Variants in TBC1D5 observed in about 807,000 individuals in gnomAD.
The protein encoded by TBC1D5 is TBC1 domain family, member 5.
Under a neutral mutation model 100.3 loss-of-function variants are expected in TBC1D5, and 75 were observed. That is an observed-to-expected ratio of 0.75 (90% CI 0.62 to 0.91). The LOEUF is 0.91. Ranked by LOEUF, TBC1D5 falls within the 40% of genes least tolerant of loss-of-function variation. The pLI, the probability that TBC1D5 is intolerant of heterozygous loss-of-function variation, is 0.00. For missense variants in TBC1D5, 910 were observed against 942.4 expected (o/e 0.97, Z 0.45); for synonymous variants, 323 against 325.6 (o/e 0.99, Z 0.09).
intron 15 of TBC1D5, among the ~76,000 whole-genome samples, chr3:17,267,590 TGTTAGAACA>T (rs2149594799): frequency 6.6e-6 from 1 of 152,300 alleles, no homozygotes; most frequent in Non-Finnish European, 1.5e-5. Flanking sequence ...TTTTTAGAAA[TGTTAGAACA>T]GTTTAATCAA....
intron 16 of TBC1D5, among the ~76,000 whole-genome samples, chr3:17,246,955 T>C (rs1300472324): frequency 6.6e-6 from 1 of 152,232 alleles, no homozygotes; most frequent in East Asian, 1.9e-4. Flanking sequence ...TTTATATATC[T>C]GGGCCTTGGG....
At chr3:17,454,457 C>G (rs1222731837) in intron 3 of TBC1D5, among the ~76,000 whole-genome samples, 1 of 151,932 alleles carries the variant, frequency 6.6e-6, no homozygotes, top group East Asian at 1.9e-4. Flanking sequence ...AAATCAATAG[C>G]ATCTTTTTTC....
intron 2 of TBC1D5, among the ~76,000 whole-genome samples, chr3:17,584,417 T>C (rs966179140): frequency 1.3e-5 from 2 of 152,244 alleles, no homozygotes; most frequent in East Asian, 1.9e-4. Flanking sequence ...ATTTTCTTAT[T>C]TCCAGAGTAA....
intron 1 of TBC1D5, among the ~76,000 whole-genome samples, chr3:17,693,293 G>A (rs2071447999): frequency 6.6e-6 from 1 of 152,232 alleles, no homozygotes; most frequent in Non-Finnish European, 1.5e-5. Flanking sequence ...GACTCAACCG[G>A]GAAGTGCAAG....
rs544359118 is a variant in TBC1D5 at position 17,438,748 on chromosome 3, G to A, written c.98-10229C>T. ...TCCAATTTTATCTTAACAAAATACA[G>A]ATAACAATTTAGTTTAACTTTGGCT... is the stretch of plus-strand genomic sequence containing the variant. On this transcript the variant is annotated intron_variant, in intron 3 of 21. Coordinates refer to ENST00000253692, the Ensembl canonical transcript of TBC1D5. 3.3e-5 allele frequency among the ~76,000 whole-genome samples: 5 copies of A among 152,116 alleles called. 1 individual carries two copies. The South Asian group carries it at 8.3e-4, about 25-fold the overall frequency.
intron 1 of TBC1D5, among the ~76,000 whole-genome samples, chr3:17,738,086 T>G (rs999202397): frequency 6.6e-6 from 1 of 152,204 alleles, no homozygotes; most frequent in African/African-American, 2.4e-5. Flanking sequence ...CAAAGACATG[T>G]TTTTTTCTAC....
rs1214669128 is a variant in TBC1D5, at chr3:17,661,297, C to T, written c.-100-37384G>A. Among the ~76,000 whole-genome samples the T allele has an allele frequency of 5.3e-5, 8 of 152,270 alleles. No homozygotes were observed. In the East Asian group the frequency reaches 1.5e-3, roughly 29 times the overall value. On this transcript the variant is annotated intron_variant, in intron 1 of 21. Transcript: ENST00000253692. ...CCAAAAGTGAGACTTAATGGTTATA[C>T]ATCACAGAATCTTCGAAGTATATAC...
chr3:17,345,862 T>G (rs1358510305), intron 13 of TBC1D5, among the ~76,000 whole-genome samples: 1 of 151,660 alleles, frequency 6.6e-6, no homozygotes, highest in East Asian at 1.9e-4. Context: ...TAGATGGAAT[T>G]GAACAATGAG....
intron 1 of TBC1D5, among the ~76,000 whole-genome samples, chr3:17,659,446 A>G (rs997095089): frequency 6.6e-6 from 1 of 152,068 alleles, no homozygotes; most frequent in Non-Finnish European, 1.5e-5. Context: ...AGAGGAAGGC[A>G]TCTAGAATGC....
intron 16 of TBC1D5, among the ~76,000 whole-genome samples, chr3:17,248,665 G>A (rs2076942705): frequency 6.6e-6 from 1 of 152,140 alleles, no homozygotes; most frequent in Admixed American, 6.5e-5. Context: ...CAGGTGCATT[G>A]TTAGTCAGAA....
chr3:17,507,757 T>C (rs1464914541), intron 3 of TBC1D5, among the ~76,000 whole-genome samples: 1 of 152,186 alleles, frequency 6.6e-6, no homozygotes. Context: ...GTCAATTAAC[T>C]TTATCAAATA....
chr3:17,544,576 G>A (rs139768786), intron 2 of TBC1D5, among the ~76,000 whole-genome samples: 463 of 151,056 alleles, frequency 3.1e-3, no homozygotes, highest in African/African-American at 0.011. Flanking sequence ...TCTTGAACCC[G>A]CGAGGCGGAG....
At chr3:17,414,027 T>A (rs1045318430) in intron 4 of TBC1D5, among the ~76,000 whole-genome samples, 3 of 152,086 alleles carry the variant, frequency 2.0e-5, no homozygotes, top group Admixed American at 1.3e-4. Flanking sequence ...AGAGATAAGG[T>A]AGAAAGTTGC....
intron 13 of TBC1D5, among the ~76,000 whole-genome samples, chr3:17,349,245 G>T (rs1032385644): frequency 1.3e-5 from 2 of 152,088 alleles, no homozygotes; most frequent in Non-Finnish European, 2.9e-5. Context: ...ATCACTTTCA[G>T]GGCATGTTAA....
intron 13 of TBC1D5, among the ~76,000 whole-genome samples, chr3:17,365,319 G>GT (rs1041317998): frequency 3.3e-5 from 5 of 152,020 alleles, no homozygotes; most frequent in Admixed American, 2.6e-4. Context: ...TAGTGCATGC[G>GT]TAACTCAGCA....
chr3:17,698,396 G>C (rs2072516884), intron 1 of TBC1D5, among the ~76,000 whole-genome samples: 1 of 151,802 alleles, frequency 6.6e-6, no homozygotes, highest in Non-Finnish European at 1.5e-5. Flanking sequence ...ATCAATTCAA[G>C]ATGGATTAAA....
intron 2 of TBC1D5, among the ~76,000 whole-genome samples, chr3:17,533,350 A>T (rs952111511): frequency 2.0e-5 from 3 of 152,204 alleles, no homozygotes; most frequent in Non-Finnish European, 4.4e-5. Context: ...TAAAAATCTT[A>T]GTTTGTTTGC....
At chr3:17,623,950 T>C (rs1296071259) in intron 1 of TBC1D5, 37 bp from the exon 2 acceptor site, 1 of 152,176 alleles carries the variant, frequency 6.6e-6, no homozygotes, top group East Asian at 1.9e-4. Context: ...TTTAAATCTA[T>C]GAAATAGTTT....
chr3:17,395,988 C>T (rs764456967), intron 8 of TBC1D5, among the ~76,000 whole-genome samples: 33 of 152,044 alleles, frequency 2.2e-4, no homozygotes, highest in Admixed American at 2.2e-3. Flanking sequence ...TGAGGAAGGA[C>T]TACAGGCCAT....
Sources: allele counts gnomAD v4.1 joint callset (sites outside exome capture counted in the v4.1 genomes callset), GRCh38; gene constraint gnomAD v4.1.1; transcripts MANE v1.5; gene names NCBI Gene and HGNC (gene_info 2026-07-23, HGNC 2026-07-21).